Variants in NECTIN1 observed in about 807,000 individuals in gnomAD.
NECTIN1 encodes nectin cell adhesion molecule 1, also known as nectin-1.
In NECTIN1, 23 loss-of-function variants were observed where a neutral mutation model predicts 48.0. That is an observed-to-expected ratio of 0.48 (90% CI 0.34 to 0.68). NECTIN1 has a LOEUF of 0.68. Ranked by LOEUF, NECTIN1 falls within the 30% of genes least tolerant of loss-of-function variation. The pLI is 0.01. For missense variants in NECTIN1, 591 were observed against 709.9 expected, an observed-to-expected ratio of 0.83 and a Z score of 1.90; for synonymous variants, 270 against 288.9, an observed-to-expected ratio of 0.93 and a Z score of 0.66.
chr11:119,721,267 G>A (rs983970922), intron 1 of NECTIN1, among the ~76,000 whole-genome samples: 5 of 152,212 alleles, frequency 3.3e-5, no homozygotes, highest in African/African-American at 1.2e-4. Flanking sequence ...CAGGCAGGGG[G>A]CAGAACTGAG....
rs1203396576 is a variant in NECTIN1, at chr11:119,685,721, G to T, written c.80-6956C>A. Among the ~76,000 whole-genome samples, 3 of 152,174 alleles carry T rather than the reference G, an allele frequency of 2.0e-5. No individual in the cohort carries two copies. In the East Asian group the frequency reaches 5.8e-4, roughly 29 times the overall value. On this transcript the variant is annotated intron_variant, in intron 1 of 5. Transcript: ENST00000264025. ...AACACAGAGCCTCTCTCTTGGCCCT[G>T]CCTGCCTCTAGCCTTCAAGACATCA... is the stretch of plus-strand genomic sequence containing the variant.
intron 1 of NECTIN1, among the ~76,000 whole-genome samples, chr11:119,691,091 A>G (rs1011750207): frequency 6.6e-6 from 1 of 152,188 alleles, no homozygotes; most frequent in African/African-American, 2.4e-5. Flanking sequence ...CCCAGTGTTA[A>G]CCACCAAAAG....
intron 5 of NECTIN1, among the ~76,000 whole-genome samples, chr11:119,655,323 C>T (rs1034416223): frequency 1.3e-4 from 20 of 152,158 alleles, no homozygotes; most frequent in African/African-American, 4.8e-4. Context: ...GGTATGGCCT[C>T]TCCCACTATT....
intron 5 of NECTIN1, chr11:119,641,070 C>G (rs770240300): frequency 6.7e-6 from 1 of 148,434 alleles, no homozygotes; most frequent in Non-Finnish European, 1.5e-5. Flanking sequence ...CTTTCTGTCT[C>G]TCTCCCCTTC....
chr11:119,644,226 TA>T (rs1400415439), intron 5 of NECTIN1, among the ~76,000 whole-genome samples: 12 of 152,188 alleles, frequency 7.9e-5, no homozygotes, highest in African/African-American at 2.9e-4. Flanking sequence ...AATCCATGGT[TA>T]GGGGGTAAAC....
chr11:119,719,086 G>A (rs958589652), intron 1 of NECTIN1, among the ~76,000 whole-genome samples: 1 of 152,166 alleles, frequency 6.6e-6, no homozygotes, highest in Non-Finnish European at 1.5e-5. Flanking sequence ...GAGGATAAGT[G>A]TGGAATTTTC....
chr11:119,676,119 A>G (rs914382554), intron 4 of NECTIN1, among the ~76,000 whole-genome samples: 1 of 152,210 alleles, frequency 6.6e-6, no homozygotes, highest in Non-Finnish European at 1.5e-5. Flanking sequence ...CCACTCAGGT[A>G]ACGAGATAGG....
In NECTIN1 at chr11:119,698,178, C is replaced by G. The variant is rs143851514; in HGVS notation, c.80-19413G>C. On this transcript the variant is annotated intron_variant, in intron 1 of 5. Coordinates refer to ENST00000264025, the MANE Select transcript of NECTIN1 (RefSeq NM_002855.5). ...TTGGACAAGAAAGTTCTTGGAAAAG[C>G]AATTCCCATGCTGGACCCTTTTGGC... Among the ~76,000 whole-genome samples the G allele has an allele frequency of 3.3e-5, 5 of 152,352 alleles. No individual in the cohort carries two copies. In the East Asian group the frequency reaches 9.7e-4, roughly 29 times the overall value.
Position 119,661,005 on chromosome 11 carries a change from CTTTA to C in NECTIN1, c.*3738_*3741del. ...GATGCAAACCAGTTTGTTTTAAACA[CTTTA>C]TTTATAAAAAAGTACATTTTTAATC... On this transcript the variant is annotated 3_prime_UTR_variant, in exon 6 of 6. Transcript: ENST00000264025. The C allele has an allele frequency of 2.0e-6, 2 of 979,724 alleles. No homozygotes were observed. The highest frequency in any genetic ancestry group is 2.4e-6 in the Non-Finnish European group (2 of 824,434). The allele number at this position is 979,724 out of a possible 1,614,324, so 60.7% of individuals were successfully genotyped here.
At chr11:119,723,528 C>G (rs1865865590) in intron 1 of NECTIN1, among the ~76,000 whole-genome samples, 1 of 152,194 alleles carries the variant, frequency 6.6e-6, no homozygotes, top group Non-Finnish European at 1.5e-5. Context: ...GCCTCCCCAG[C>G]CCCCACCCAG....
chr11:119,724,057 C>G (rs535973312), intron 1 of NECTIN1, among the ~76,000 whole-genome samples: 1 of 152,190 alleles, frequency 6.6e-6, no homozygotes, highest in Non-Finnish European at 1.5e-5. Context: ...TCCAGGCACA[C>G]GTATGTTGTC....
At chr11:119,719,820 G>C (rs914075649) in intron 1 of NECTIN1, among the ~76,000 whole-genome samples, 2 of 152,214 alleles carry the variant, frequency 1.3e-5, no homozygotes, top group African/African-American at 2.4e-5. Flanking sequence ...TGTTGGCAGG[G>C]GGTGGCATGG....
intron 5 of NECTIN1, among the ~76,000 whole-genome samples, chr11:119,655,252 C>T (rs528145277): frequency 1.9e-4 from 29 of 151,856 alleles, no homozygotes; most frequent in African/African-American, 6.8e-4. Context: ...TTTAGGCTCA[C>T]AATCAGATTG....
At chr11:119,692,067 C>T (rs916160952) in intron 1 of NECTIN1, among the ~76,000 whole-genome samples, 1 of 151,696 alleles carries the variant, frequency 6.6e-6, no homozygotes, top group African/African-American at 2.4e-5. Flanking sequence ...CTCCCAGCAT[C>T]CCCAGTGGTG....
At chr11:119,674,282 T>C in intron 5 of NECTIN1, 1 of 1,213,356 alleles carries the variant, frequency 8.2e-7, no homozygotes, top group East Asian at 3.6e-5. Context: ...ATAGCTCAGG[T>C]CCACTGTAAA....
chr11:119,708,357 G>C (rs1311929736), intron 1 of NECTIN1, among the ~76,000 whole-genome samples: 1 of 152,202 alleles, frequency 6.6e-6, no homozygotes, highest in Non-Finnish European at 1.5e-5. Flanking sequence ...GGAAAGCAAG[G>C]TAGGAGCCAG....
rs752243798 is a variant in NECTIN1, at chr11:119,677,532, C to T, written c.733+23G>A. The stretch of plus-strand genomic sequence containing the variant: ...GACAGTGGCGCCCACCCCAGGAGGC[C>T]CCTGGCAGCCAGCCCTGCTCACACT... On this transcript the variant is annotated intron_variant, in intron 3 of 5. Transcript: ENST00000264025. This position sits in a 1 kb window ranked among gnomAD's most constrained non-coding sequence, Gnocchi z 5.4. 18 of 1,611,956 alleles carry T rather than the reference C, an allele frequency of 1.1e-5. No homozygotes were observed. In the South Asian group the frequency reaches 2.0e-4, roughly 18 times the overall value.
At chr11:119,639,530 C>G in intron 6 of NECTIN1, 1 of 409,772 alleles carries the variant, frequency 2.4e-6, no homozygotes. Context: ...GCTGGGAGCA[C>G]GTAAACTCTT....
At chr11:119,671,792 C>T (rs112793712) in intron 5 of NECTIN1, among the ~76,000 whole-genome samples, 39 of 152,318 alleles carry the variant, frequency 2.6e-4, no homozygotes, top group African/African-American at 9.4e-4. Context: ...TCAGGCAGGG[C>T]CTCGGCAAGC....
Sources: gnomAD v4.1 joint callset for allele counts (sites outside exome capture counted in the v4.1 genomes callset) on GRCh38, gnomAD v4.1.1 for gene constraint, Gnocchi (gnomAD v3.1) non-coding constraint, MANE v1.5 for transcripts, NCBI Gene and HGNC (gene_info 2026-07-23, HGNC 2026-07-21) for gene names.